The following CRAT variants were observed in gnomAD, a reference collection of about 807,000 sequenced individuals.
CRAT encodes carnitine acetylase.
Under a neutral mutation model 73.7 loss-of-function variants are expected in CRAT, and 66 were observed. The ratio of observed to expected loss-of-function variants is 0.90; its 90% CI spans 0.73 to 1.10. CRAT has a LOEUF of 1.10. CRAT is among the 50% of genes least tolerant of loss of function. CRAT has a pLI of 0.00. For missense variants in CRAT, 745 were observed against 846.9 expected, an observed-to-expected ratio of 0.88 and a Z score of 1.49; for synonymous variants, 321 against 343.2, an observed-to-expected ratio of 0.94 and a Z score of 0.71.
At chr9:129,096,569 G>A (rs561856531) in intron 12 of CRAT, among the ~76,000 whole-genome samples, 2 of 152,362 alleles carry the variant, frequency 1.3e-5, no homozygotes, top group South Asian at 4.1e-4. Context: ...GCCAGGACAC[G>A]CATCCAGACA....
chr9:129,102,863 C>T (rs995786385), intron 4 of CRAT, 150 bp downstream of exon 4: 1 of 808,310 alleles, frequency 1.2e-6, no homozygotes, highest in East Asian at 2.4e-5. Flanking sequence ...TGGGATGGGA[C>T]AGGGTCACCC....
intron 8 of CRAT, among the ~76,000 whole-genome samples, chr9:129,099,399 T>C (rs4837338): frequency 1 from 148,439 of 149,162 alleles, 73,865 homozygotes; most frequent in Middle Eastern, 1. Context: ...GCTGGGATTA[T>C]AGGCATGAGC....
chr9:129,110,431 C>T lies in CRAT; in HGVS notation c.27+52G>A, dbSNP rs1848351883. 3 of 1,511,714 alleles carry T rather than the reference C, an allele frequency of 2.0e-6. No individual in the cohort carries two copies. The highest frequency in any genetic ancestry group is 2.1e-5 in the Admixed American group (1 of 47,548). 93.6% of individuals were successfully genotyped at this position (1,511,714 alleles called of 1,614,324 possible). A position where few individuals can be genotyped will look rare whatever the true frequency, so the allele number is the denominator to read the frequency against. On this transcript the variant is annotated intron_variant, in intron 1 of 13. Transcript: ENST00000318080. This position sits in a 1 kb window ranked among gnomAD's most constrained non-coding sequence, Gnocchi z 5.3. ...GTCTCCGTTCCCGGACGCAACCGCA[C>T]GGCCCGCCCAGGCCGTCCAGGGCCC...
chr9:129,102,290 G>A, intron 5 of CRAT, 110 bp downstream of exon 5: 2 of 1,457,296 alleles, frequency 1.4e-6, no homozygotes, highest in Non-Finnish European at 1.9e-6. Flanking sequence ...CATTCCTGGG[G>A]CACGTGGGCA....
At chr9:129,100,461 G>A in intron 7 of CRAT, 50 bp downstream of exon 7, 2 of 1,554,042 alleles carry the variant, frequency 1.3e-6, no homozygotes, top group Non-Finnish European at 8.7e-7. Flanking sequence ...CGAGGCTGCA[G>A]AGGTCCTGTT....
intron 2 of CRAT, among the ~76,000 whole-genome samples, chr9:129,105,523 T>G (rs1387197196): frequency 3.9e-5 from 6 of 151,940 alleles, no homozygotes; most frequent in Admixed American, 3.9e-4. Flanking sequence ...GTTTTCACCA[T>G]GTTGGCCAGG....
intron 9 of CRAT, 32 bp from the exon 10 acceptor site, chr9:129,098,403 G>T: frequency 1.2e-6 from 2 of 1,610,072 alleles, no homozygotes; most frequent in Non-Finnish European, 1.7e-6. Flanking sequence ...GTGAGGAGCA[G>T]GCCCCGGCAG....
rs1023886884 is a variant in CRAT at position 129,095,227 on chromosome 9, T to C, written c.*170A>G. ...TGCTGGGATGACCCACGGAAGGCAC[T>C]TGGCTGGGGCCTGCAGGCCCCCTGG... On this transcript the variant is annotated 3_prime_UTR_variant, in exon 14 of 14. Transcript: ENST00000318080. 5.5e-6 allele frequency: 4 copies of C among 724,778 alleles called. No homozygotes were observed. The highest frequency in any genetic ancestry group is 6.7e-6 in the Non-Finnish European group (3 of 449,566). The allele number at this position is 724,778 out of a possible 1,614,324, so 44.9% of individuals were successfully genotyped here.
rs758127979 is a variant in CRAT, at chr9:129,101,946, C to G, written c.742G>C (p.Val248Leu). 3.1e-6 allele frequency: 5 copies of G among 1,614,204 alleles called. No individual in the cohort carries two copies. In the South Asian group the frequency reaches 5.5e-5, roughly 18 times the overall value. Residue 248 changes from valine to leucine, a missense_variant, in exon 6 of 14, where the codon GTG becomes CTG. By Grantham distance (32) the Val-to-Leu change is conservative (BLOSUM62 1). Coordinates refer to ENST00000318080, the MANE Select transcript of CRAT (RefSeq NM_000755.5). ...CGGTGGTTGGAGGTGAGGATGCCCA[C>G]AGGCTCCTTGTTGGTCTGTAGGGAT... ...NSSLQTNKEP[V>L]GILTSNHRNS...
At chr9:129,105,452 C>T (rs1847958671) in intron 2 of CRAT, among the ~76,000 whole-genome samples, 1 of 152,132 alleles carries the variant, frequency 6.6e-6, no homozygotes, top group South Asian at 2.1e-4. Context: ...TCTTGAGTAG[C>T]TGGGACTATA....
intron 6 of CRAT, among the ~76,000 whole-genome samples, chr9:129,101,631 G>A (rs1158288866): frequency 1.3e-5 from 2 of 152,238 alleles, no homozygotes; most frequent in Admixed American, 6.5e-5. Context: ...CCCTTTCACT[G>A]TTTCGCCCTG....
At chr9:129,102,986 G>T in intron 4 of CRAT, 27 bp downstream of exon 4, 2 of 1,606,488 alleles carry the variant, frequency 1.2e-6, no homozygotes, top group Non-Finnish European at 1.7e-6. Context: ...GGCAGGTGTG[G>T]GGCTGGGCAG....
intron 2 of CRAT, among the ~76,000 whole-genome samples, chr9:129,105,002 G>A (rs1475732843): frequency 1.4e-5 from 2 of 147,168 alleles, no homozygotes; most frequent in Non-Finnish European, 3.0e-5. Flanking sequence ...CTGGGTTCAC[G>A]CCATTCTCCT....
chr9:129,097,316 G>A lies in CRAT; in HGVS notation c.1465-4C>T. 2 of 1,564,272 alleles carry A rather than the reference G, an allele frequency of 1.3e-6. No homozygotes were observed. The highest frequency in any genetic ancestry group is 1.3e-5 in the African/African-American group (1 of 74,382). ...GCAGCTCCACCTTCTGGTGCTCCTA[G>A]AGTGGTGAGGGTCAGAGGGAGCTGA... On this transcript the variant is annotated splice_polypyrimidine_tract_variant and splice_region_variant and intron_variant, in intron 11 of 13. Transcript: ENST00000318080.
At chr9:129,104,639 G>C (rs1429841271) in intron 2 of CRAT, among the ~76,000 whole-genome samples, 3 of 151,230 alleles carry the variant, frequency 2.0e-5, no homozygotes, top group Admixed American at 6.6e-5. Context: ...GGGTCTCGCT[G>C]TGTCATGCAG....
rs1847392680 is a variant in CRAT, at chr9:129,098,031, C to T, written c.1446G>A (p.Met482Ile). 1.2e-6 allele frequency: 2 copies of T among 1,613,942 alleles called. No homozygotes were observed. The highest frequency in any genetic ancestry group is 4.5e-5 in the East Asian group (2 of 44,884). The change falls in exon 11 of 14, where the codon ATG (methionine) becomes ATA (isoleucine). Residue 482 changes from methionine (M) to isoleucine (I), a missense_variant. Coordinates refer to ENST00000318080, the MANE Select transcript of CRAT (RefSeq NM_000755.5). The stretch of plus-strand genomic sequence containing the variant: ...CTCTCACCGTGACGCTGGAGTCATC[C>T]ATGGCCTTGACAAAGGTGAGTGAGT... ...SMDSLTFVKA[M>I]DDSSVTEHQK... is the part of the protein sequence containing the mutation.
rs1024703374 is a variant in CRAT, at chr9:129,106,760, C to T, written c.291+1054G>A. On this transcript the variant is annotated intron_variant, in intron 2 of 13. Transcript: ENST00000318080. This position sits in a 1 kb window ranked among gnomAD's most constrained non-coding sequence, Gnocchi z 4.0. ...AGAGCTCTACCTCCCCTCCCCATGG[C>T]ACCCCCTATAACACAGCATTTCCCA... Among the ~76,000 whole-genome samples, 1 of 152,150 alleles carries T rather than the reference C, an allele frequency of 6.6e-6. No individual in the cohort carries two copies. The highest frequency in any genetic ancestry group is 2.1e-4 in the South Asian group (1 of 4,830).
In CRAT at chr9:129,106,790, C is replaced by T. The variant is rs1445241553; in HGVS notation, c.291+1024G>A. ...CCTATAACACAGCATTTCCCAGGGC[C>T]GGACCCGCTCTGGCTCTCCCACAGG... On this transcript the variant is annotated intron_variant, in intron 2 of 13. Transcript: ENST00000318080. The surrounding 1 kb of genome is among the most constrained non-coding windows in gnomAD (Gnocchi z 4.0). Among the ~76,000 whole-genome samples, 6 of 152,102 alleles carry T rather than the reference C, an allele frequency of 3.9e-5. No individual in the cohort carries two copies. Among genetic ancestry groups the T allele is most frequent in the East Asian group, 3.9e-4 (2 of 5,184 alleles).
In CRAT at chr9:129,110,362, C is replaced by G. The variant is rs1027556302; in HGVS notation, c.27+121G>C. 2 of 1,058,686 alleles carry G rather than the reference C, an allele frequency of 1.9e-6. No individual in the cohort carries two copies. Among genetic ancestry groups the G allele is most frequent in the Non-Finnish European group, 2.6e-6 (2 of 771,624 alleles). 65.6% of individuals were successfully genotyped at this position (1,058,686 alleles called of 1,614,324 possible). On this transcript the variant is annotated intron_variant, in intron 1 of 13. Coordinates refer to ENST00000318080, the MANE Select transcript of CRAT (RefSeq NM_000755.5). The surrounding 1 kb of genome is among the most constrained non-coding windows in gnomAD (Gnocchi z 5.3). ...AACCTGGGACGCCCGCCTGACCCCACCCCATCAGCTGGAGGCCGGGTCGAA... is the reference window on the plus strand; with the variant it reads ...AACCTGGGACGCCCGCCTGACCCCAGCCCATCAGCTGGAGGCCGGGTCGAA...
Sources: gnomAD v4.1 joint callset for allele counts (sites outside exome capture counted in the v4.1 genomes callset) on GRCh38, gnomAD v4.1.1 for gene constraint, Gnocchi (gnomAD v3.1) non-coding constraint, MANE v1.5 for transcripts, NCBI Gene and HGNC (gene_info 2026-07-23, HGNC 2026-07-21) for gene names.